MRTFB: variants seen among roughly 807,000 people sequenced by gnomAD.
MRTFB encodes myocardin related transcription factor B.
A neutral mutation model predicts 104.2 loss-of-function variants in MRTFB; 29 were observed. That is an observed-to-expected ratio of 0.28 (90% confidence interval 0.21 to 0.38). The LOEUF (loss-of-function observed/expected upper bound fraction) is 0.38, where lower values mean the gene tolerates loss of function less well. Among genes scored for constraint, MRTFB ranks in the 10% least tolerant of loss-of-function variants. The pLI is 1.00. For missense variants in MRTFB, 1,270 were observed against 1,341.6 expected, an observed-to-expected ratio of 0.95 and a Z score of 0.83; for synonymous variants, 535 against 519.5, an observed-to-expected ratio of 1.03 and a Z score of -0.41.
intron 3 of MRTFB, among the ~76,000 whole-genome samples, chr16:14,198,433 T>C (rs959944965): frequency 5.9e-5 from 9 of 152,254 alleles, no homozygotes; most frequent in African/African-American, 2.2e-4. Context: ...AAAGAACTGC[T>C]AAATGTTCTA....
At chr16:14,133,589 T>A (rs1369050691) in intron 2 of MRTFB, among the ~76,000 whole-genome samples, 1 of 152,210 alleles carries the variant, frequency 6.6e-6, no homozygotes, top group African/African-American at 2.4e-5. Flanking sequence ...TCCCTTTCTT[T>A]CGTTCATCTC....
chr16:14,069,323 C>T (rs967749974), upstream of MRTFB, among the ~76,000 whole-genome samples: 1 of 150,278 alleles, frequency 6.7e-6, no homozygotes, highest in African/African-American at 2.4e-5. Context: ...CCCAAGTTCT[C>T]AGGCCTGTAG....
chr16:14,088,483 A>G (rs190012413), intron 2 of MRTFB, among the ~76,000 whole-genome samples: 3 of 152,314 alleles, frequency 2.0e-5, no homozygotes, highest in African/African-American at 4.8e-5. Flanking sequence ...AGAATGCTCG[A>G]AAGTTCTTAG....
chr16:14,119,255 G>A (rs1008503987), intron 2 of MRTFB, among the ~76,000 whole-genome samples: 1 of 152,190 alleles, frequency 6.6e-6, no homozygotes, highest in African/African-American at 2.4e-5. Context: ...TGCAGAAACC[G>A]TCGGATTGGT....
chr16:14,205,204 T>A (rs1234393118), intron 3 of MRTFB, among the ~76,000 whole-genome samples: 1 of 152,240 alleles, frequency 6.6e-6, no homozygotes, highest in Non-Finnish European at 1.5e-5. Context: ...TTTATCCTAC[T>A]GTTTTCTATT....
At chr16:14,233,378 G>A (rs920260673) in intron 8 of MRTFB, among the ~76,000 whole-genome samples, 1 of 152,156 alleles carries the variant, frequency 6.6e-6, no homozygotes, top group African/African-American at 2.4e-5. Context: ...TGGGTGGCAT[G>A]GGCATTCGGG....
intron 3 of MRTFB, among the ~76,000 whole-genome samples, chr16:14,145,660 A>G (rs1352619081): frequency 6.6e-6 from 1 of 152,236 alleles, no homozygotes; most frequent in Non-Finnish European, 1.5e-5. Flanking sequence ...TGAGGCCTTA[A>G]TGAAGGAAAA....
chr16:14,162,161 A>C (rs2039065951), intron 3 of MRTFB, among the ~76,000 whole-genome samples: 2 of 151,132 alleles, frequency 1.3e-5, no homozygotes, highest in Non-Finnish European at 1.5e-5. Context: ...ACAAAAAAAA[A>C]AAAAAAAAAA....
rs942934026 is a variant in MRTFB at position 14,247,557 on chromosome 16, C to T, written c.2247+50C>T. On this transcript the variant is annotated intron_variant, in intron 12 of 16. Coordinates refer to ENST00000571589, the MANE Select transcript of MRTFB (RefSeq NM_001308142.2). ...TTTGCCTTACAGCATGCATGGAATG[C>T]AAACCCTGCTAAGGAAGGCACCATA... is the stretch of plus-strand genomic sequence containing the variant. The T allele has an allele frequency of 1.4e-5, 21 of 1,481,074 alleles. No individual in the cohort carries two copies. The African/African-American group carries it at 2.4e-4, about 17-fold the overall frequency. The allele number at this position is 1,481,074 out of a possible 1,614,324, so 91.7% of individuals were successfully genotyped here.
At chr16:14,254,579 A>G (rs532239694) in intron 15 of MRTFB, among the ~76,000 whole-genome samples, 1 of 152,384 alleles carries the variant, frequency 6.6e-6, no homozygotes, top group East Asian at 1.9e-4. Flanking sequence ...CCCCTAAGCC[A>G]TACAGGCGTG....
chr16:14,086,080 T>C (rs2034688509), intron 2 of MRTFB, among the ~76,000 whole-genome samples: 1 of 152,238 alleles, frequency 6.6e-6, no homozygotes, highest in Admixed American at 6.5e-5. Flanking sequence ...AATATATTTT[T>C]AATTATAATG....
intron 4 of MRTFB, among the ~76,000 whole-genome samples, chr16:14,212,066 T>C (rs960483880): frequency 3.2e-4 from 49 of 152,332 alleles, no homozygotes; most frequent in African/African-American, 1.1e-3. Flanking sequence ...GACAGTCCCC[T>C]CGGCAATGGA....
At chr16:14,049,576 C>T in the MRTFB span, among the ~76,000 whole-genome samples, 38 of 152,246 alleles carry the variant, frequency 2.5e-4, no homozygotes, top group South Asian at 7.9e-3. Flanking sequence ...TCAGAAAAAA[C>T]TAAAATGACT....
Position 14,243,692 on chromosome 16 carries a change from TACAC to T in MRTFB, c.1080-1832_1080-1829del, listed in dbSNP as rs375775815. Among the ~76,000 whole-genome samples, 292 of 152,186 alleles carry T rather than the reference TACAC, an allele frequency of 1.9e-3. 3 individuals carry two copies. The highest frequency in any genetic ancestry group is 6.7e-3 in the African/African-American group (277 of 41,482). ...AAGCTTTTTAAATTGAAGTATAACT[TACAC>T]ACAGAAAAGTACGTAAATTATAAGT... On this transcript the variant is annotated intron_variant, in intron 10 of 16. Transcript: ENST00000571589.
At chr16:14,031,420 G>A in the MRTFB span, among the ~76,000 whole-genome samples, 3 of 150,788 alleles carry the variant, frequency 2.0e-5, no homozygotes, top group Non-Finnish European at 4.4e-5. Flanking sequence ...ATAGGTCAAA[G>A]TTTCACAAAC....
intron 8 of MRTFB, among the ~76,000 whole-genome samples, chr16:14,226,439 G>C (rs1413220216): frequency 6.6e-6 from 1 of 152,174 alleles, no homozygotes; most frequent in Admixed American, 6.5e-5. Context: ...GGAAAGGATA[G>C]TCTCGTCAAC....
At chr16:14,014,548 T>G in the MRTFB span, among the ~76,000 whole-genome samples, 6 of 151,230 alleles carry the variant, frequency 4.0e-5, no homozygotes, top group Non-Finnish European at 7.4e-5. Context: ...ATGGTGAGAC[T>G]CTTGTCTCAA....
intron 2 of MRTFB, among the ~76,000 whole-genome samples, chr16:14,111,022 C>G (rs1300580684): frequency 6.6e-6 from 1 of 152,200 alleles, no homozygotes; most frequent in African/African-American, 2.4e-5. Flanking sequence ...TTTTCTCTTT[C>G]TAACACACCC....
chr16:14,115,858 G>A (rs944224915), intron 2 of MRTFB, among the ~76,000 whole-genome samples: 1 of 152,146 alleles, frequency 6.6e-6, no homozygotes, highest in Non-Finnish European at 1.5e-5. Flanking sequence ...TGATTCTACT[G>A]TCTGAGTCTC....
Sources: allele counts gnomAD v4.1 joint callset (sites outside exome capture counted in the v4.1 genomes callset), GRCh38; gene constraint gnomAD v4.1.1; transcripts MANE v1.5; gene names NCBI Gene and HGNC (gene_info 2026-07-23, HGNC 2026-07-21).